Variants in NDUFB7 observed in about 807,000 individuals in gnomAD.
The protein encoded by NDUFB7 is NADH dehydrogenase [ubiquinone] 1 beta subcomplex subunit 7.
A neutral mutation model predicts 14.7 loss-of-function variants in NDUFB7; 18 were observed. The observed-to-expected ratio is 1.22, with a 90% CI of 0.85 to 1.81. The LOEUF is 1.81. NDUFB7 is among the 40% of genes most tolerant of loss of function. The pLI, the probability that NDUFB7 is intolerant of heterozygous loss-of-function variation, is 0.00. For missense variants in NDUFB7, 219 were observed against 195.0 expected, an observed-to-expected ratio of 1.12 and a Z score of -0.73; for synonymous variants, 86 against 76.1, an observed-to-expected ratio of 1.13 and a Z score of -0.68.
chr19:14,570,792 T>C (rs1221006241), intron 1 of NDUFB7, among the ~76,000 whole-genome samples: 4 of 152,192 alleles, frequency 2.6e-5, no homozygotes, highest in East Asian at 1.9e-4. Context: ...GTGCCTAATG[T>C]GGGACGTGGC....
At chr19:14,571,218 T>A (rs1200589969) in intron 1 of NDUFB7, among the ~76,000 whole-genome samples, 3 of 152,152 alleles carry the variant, frequency 2.0e-5, no homozygotes, top group Non-Finnish European at 4.4e-5. Context: ...TATTTCCTTG[T>A]GCATACCCCA....
chr19:14,567,805 G>A lies in NDUFB7; in HGVS notation c.113-872C>T, dbSNP rs552961266. On this transcript the variant is annotated intron_variant, in intron 1 of 2. Coordinates refer to ENST00000215565, the MANE Select transcript of NDUFB7 (RefSeq NM_004146.6). This position sits in a 1 kb window ranked among gnomAD's most constrained non-coding sequence, Gnocchi z 5.1. Reference sequence around the variant, plus strand: ...TCCCCTGCTGGCTTCTCTCCCCTTTGCTTCCCAGCTGCGATTCTCTCATCC... The same window carrying A: ...TCCCCTGCTGGCTTCTCTCCCCTTTACTTCCCAGCTGCGATTCTCTCATCC... Among the ~76,000 whole-genome samples, 6 of 152,136 alleles carry A rather than the reference G, an allele frequency of 3.9e-5. No individual in the cohort carries two copies. In the East Asian group the frequency reaches 1.2e-3, roughly 29 times the overall value.
At chr19:14,566,507 C>A (rs1389123487) in intron 2 of NDUFB7, among the ~76,000 whole-genome samples, 1 of 151,840 alleles carries the variant, frequency 6.6e-6, no homozygotes, top group African/African-American at 2.4e-5. Context: ...ATCAAACAGG[C>A]CCCTAGAGAG....
chr19:14,571,974 G>A lies in NDUFB7; in HGVS notation c.27C>T (p.Tyr9=), dbSNP rs1489810083. Residue 9 remains tyrosine, a synonymous_variant, in exon 1 of 3, where the codon TAC becomes TAT. Coordinates refer to ENST00000215565, the MANE Select transcript of NDUFB7 (RefSeq NM_004146.6). ...CGGGCTCCACCGAGGCATCGCCCAG[G>A]TAGCGCCGGACCAGGTGGGCCCCCA... MGAHLVRR[Y]LGDASVEPDP... 1.2e-6 allele frequency: 2 copies of A among 1,608,712 alleles called. No individual in the cohort carries two copies. The highest frequency in any genetic ancestry group is 1.7e-6 in the Non-Finnish European group (2 of 1,178,090).
At chr19:14,568,098 G>C (rs949547911) in intron 1 of NDUFB7, among the ~76,000 whole-genome samples, 1 of 152,166 alleles carries the variant, frequency 6.6e-6, no homozygotes, top group Non-Finnish European at 1.5e-5. Context: ...AGGCTGGAGG[G>C]CAGTGGCAAG....
chr19:14,569,172 A>T (rs187714667), intron 1 of NDUFB7, among the ~76,000 whole-genome samples: 2 of 152,086 alleles, frequency 1.3e-5, no homozygotes, highest in Admixed American at 6.6e-5. Flanking sequence ...AGGGCAGGGG[A>T]CAGTGATCTA....
At chr19:14,566,987 G>A (rs1443783043) in intron 1 of NDUFB7, 54 bp from the exon 2 acceptor site, 14 of 1,512,304 alleles carry the variant, frequency 9.3e-6, no homozygotes, top group South Asian at 3.7e-5. Flanking sequence ...CCCCAATTCC[G>A]GGGATCCCCA....
Position 14,571,968 on chromosome 19 carries a change from G to A in NDUFB7, c.33C>T (p.Gly11=). 1 of 1,609,468 alleles carries A rather than the reference G, an allele frequency of 6.2e-7. No homozygotes were observed. Among genetic ancestry groups the A allele is most frequent in the Non-Finnish European group, 8.5e-7 (1 of 1,178,396 alleles). The change falls in exon 1 of 3, where the codon GGC becomes GGT. Residue 11 remains glycine (G), a synonymous_variant. Coordinates refer to ENST00000215565, the MANE Select transcript of NDUFB7 (RefSeq NM_004146.6). MGAHLVRRYL[G]DASVEPDPLQ... Reference sequence around the variant, plus strand: ...GGGGGTCGGGCTCCACCGAGGCATCGCCCAGGTAGCGCCGGACCAGGTGGG... The same window carrying A: ...GGGGGTCGGGCTCCACCGAGGCATCACCCAGGTAGCGCCGGACCAGGTGGG...
intron 1 of NDUFB7, among the ~76,000 whole-genome samples, chr19:14,570,508 TA>T (rs2074118558): frequency 6.6e-6 from 1 of 151,584 alleles, no homozygotes; most frequent in African/African-American, 2.4e-5. Flanking sequence ...CCTCAATTTT[TA>T]TATTTTTAGT....
intron 1 of NDUFB7, among the ~76,000 whole-genome samples, chr19:14,569,047 C>T (rs1376283578): frequency 6.6e-6 from 1 of 152,026 alleles, no homozygotes; most frequent in Admixed American, 6.6e-5. Flanking sequence ...TGGTGGCACG[C>T]ACCTGTAATC....
In NDUFB7 at chr19:14,566,762, C is replaced by T; in HGVS notation, c.281+3G>A. The T allele has an allele frequency of 6.5e-7, 1 of 1,542,144 alleles. No homozygotes were observed. Among genetic ancestry groups the T allele is most frequent in the Non-Finnish European group, 8.7e-7 (1 of 1,145,946 alleles). On this transcript the variant is annotated splice_donor_region_variant and intron_variant, in intron 2 of 2. Transcript: ENST00000215565. ...TGTTGGGGGCTGGTGTGGGGGTGCT[C>T]ACTCGCGGTGCTCGCAGTAGTCCCA...
intron 1 of NDUFB7, among the ~76,000 whole-genome samples, chr19:14,569,123 A>G (rs1204984642): frequency 2.6e-5 from 4 of 151,954 alleles, no homozygotes; most frequent in African/African-American, 4.8e-5. Context: ...TGCAGTGAGC[A>G]AAGTGACTGG....
chr19:14,569,319 TA>T (rs2074111297), intron 1 of NDUFB7, among the ~76,000 whole-genome samples: 1 of 151,938 alleles, frequency 6.6e-6, no homozygotes, highest in Non-Finnish European at 1.5e-5. Context: ...AATTAAAAAA[TA>T]AAAATAAAAA....
chr19:14,566,118 TG>T lies in NDUFB7; in HGVS notation c.*14del, dbSNP rs760338415. 1.9e-6 allele frequency: 3 copies of T among 1,604,472 alleles called. No homozygotes were observed. The highest frequency in any genetic ancestry group is 1.7e-4 in the Middle Eastern group (1 of 5,960). On this transcript the variant is annotated 3_prime_UTR_variant, in exon 3 of 3. Coordinates refer to ENST00000215565, the MANE Select transcript of NDUFB7 (RefSeq NM_004146.6). ...GCTTTTATTTGACTGGTCCATAGGG[TG>T]GGGGGTGCACCCCCTACAGGGCCAC...
chr19:14,572,004 T>A lies in NDUFB7; in HGVS notation c.-4A>T. The A allele has an allele frequency of 6.3e-7, 1 of 1,585,584 alleles. No individual in the cohort carries two copies. Among genetic ancestry groups the A allele is most frequent in the Non-Finnish European group, 8.6e-7 (1 of 1,166,452 alleles). ...GCCGGACCAGGTGGGCCCCCATGGC[T>A]GCAGTCGCTGCAGATCCCTGCAGCA... On this transcript the variant is annotated 5_prime_UTR_variant, in exon 1 of 3. Coordinates refer to ENST00000215565, the MANE Select transcript of NDUFB7 (RefSeq NM_004146.6).
rs777501701 is a variant in NDUFB7 at position 14,571,942 on chromosome 19, A to C, written c.59T>G (p.Leu20Arg). ...LGDASVEPDPLQMPTFPPDYG... is the reference protein window; with the variant it reads ...LGDASVEPDPRQMPTFPPDYG... ...GTCTGGCGGGAAGGTTGGCATCTGC[A>C]GGGGGTCGGGCTCCACCGAGGCATC... Residue 20 changes from leucine (L) to arginine (R), a missense_variant, in exon 1 of 3, where the codon CTG (leucine) becomes CGG (arginine). Transcript: ENST00000215565. 3 of 1,612,128 alleles carry C rather than the reference A, an allele frequency of 1.9e-6. No homozygotes were observed. The South Asian group carries it at 3.3e-5, about 18-fold the overall frequency.
At chr19:14,568,287 C>T (rs1402740520) in intron 1 of NDUFB7, among the ~76,000 whole-genome samples, 2 of 152,152 alleles carry the variant, frequency 1.3e-5, no homozygotes, top group Non-Finnish European at 2.9e-5. Context: ...TCAGGTGATC[C>T]ACCCACCTTG....
At position 14,571,978 on chromosome 19, in the gene NDUFB7, C is replaced by T; in HGVS notation, c.23G>A (p.Arg8His). The T allele has an allele frequency of 6.2e-7, 1 of 1,607,422 alleles. No individual in the cohort carries two copies. Among genetic ancestry groups the T allele is most frequent in the Non-Finnish European group, 8.5e-7 (1 of 1,177,478 alleles). The change falls in exon 1 of 3, where the codon CGC (arginine) becomes CAC (histidine). Residue 8 changes from arginine to histidine, a missense_variant. Transcript: ENST00000215565. MGAHLVR[R>H]YLGDASVEPD... The stretch of plus-strand genomic sequence containing the variant: ...CTCCACCGAGGCATCGCCCAGGTAG[C>T]GCCGGACCAGGTGGGCCCCCATGGC...
Position 14,567,804 on chromosome 19 carries a change from T to G in NDUFB7, c.113-871A>C, listed in dbSNP as rs1361642890. On this transcript the variant is annotated intron_variant, in intron 1 of 2. Transcript: ENST00000215565. This position sits in a 1 kb window ranked among gnomAD's most constrained non-coding sequence, Gnocchi z 5.1. ...GTCCCCTGCTGGCTTCTCTCCCCTT[T>G]GCTTCCCAGCTGCGATTCTCTCATC... is the stretch of plus-strand genomic sequence containing the variant. 3.3e-5 allele frequency among the ~76,000 whole-genome samples: 5 copies of G among 152,158 alleles called. No homozygotes were observed. Among genetic ancestry groups the G allele is most frequent in the African/African-American group, 4.8e-5 (2 of 41,428 alleles).
Sources: gnomAD v4.1 joint callset for allele counts (sites outside exome capture counted in the v4.1 genomes callset) on GRCh38, gnomAD v4.1.1 for gene constraint, Gnocchi (gnomAD v3.1) non-coding constraint, MANE v1.5 for transcripts, NCBI Gene and HGNC (gene_info 2026-07-23, HGNC 2026-07-21) for gene names.